MED23: variants seen among roughly 807,000 people sequenced by gnomAD.
MED23 encodes mediator of RNA polymerase II transcription subunit 23.
A neutral mutation model predicts 163.9 loss-of-function variants in MED23; 105 were observed. The observed-to-expected ratio is 0.64, with a 90% CI of 0.55 to 0.75. MED23 has a LOEUF of 0.75. Among genes scored for constraint, MED23 ranks in the 30% least tolerant of loss-of-function variants. The probability of loss-of-function intolerance (pLI) is 0.00; values close to 1 mark genes in which losing one functional copy is unlikely to be tolerated. For synonymous variants in MED23, 561 were observed against 565.6 expected (o/e 0.99, Z 0.12); for missense variants, 1,054 against 1,649.0 (o/e 0.64, Z 6.25).
intron 1 of MED23, 80 bp from the exon 2 acceptor site, chr6:131,627,752 C>G: frequency 1.5e-6 from 2 of 1,344,482 alleles, no homozygotes; most frequent in Non-Finnish European, 2.1e-6. Flanking sequence ...TACAATGTAA[C>G]ACAGGGCAAG....
chr6:131,625,076 TA>T, intron 3 of MED23, 87 bp from the exon 4 acceptor site: 5 of 1,390,986 alleles, frequency 3.6e-6, no homozygotes, highest in Non-Finnish European at 4.0e-6. Flanking sequence ...AGTATACCAA[TA>T]CTATGAAAGA....
chr6:131,622,654 T>C (rs1197775346), intron 5 of MED23, among the ~76,000 whole-genome samples: 3 of 152,190 alleles, frequency 2.0e-5, no homozygotes, highest in Admixed American at 2.0e-4. Context: ...TGCATAAGTC[T>C]GAGTAAAGAG....
At chr6:131,585,641 G>A (rs1774150263), downstream of MED23, among the ~76,000 whole-genome samples, 1 of 152,150 alleles carries the variant, frequency 6.6e-6, no homozygotes, top group African/African-American at 2.4e-5. Context: ...GAATAGCACA[G>A]GTAAAGAACA....
At position 131,598,809 on chromosome 6, in the gene MED23, C is replaced by T; in HGVS notation, c.2221-48G>A. ...ATTTCATTGGTTATAGTAGAAAGAG[C>T]ACTGGATATGGAGTTAATAAACCAG... is the stretch of plus-strand genomic sequence containing the variant. On this transcript the variant is annotated intron_variant, in intron 18 of 28. Transcript: ENST00000368068. The surrounding 1 kb of genome is among the most constrained non-coding windows in gnomAD (Gnocchi z 4.7). 6.5e-7 allele frequency: 1 copy of T among 1,548,488 alleles called. No homozygotes were observed.
At chr6:131,584,211 C>T (rs1774086545), downstream of MED23, 1 of 350,348 alleles carries the variant, frequency 2.9e-6, no homozygotes, top group Non-Finnish European at 5.3e-6. Flanking sequence ...TACATAAGCC[C>T]CCATACATAG....
intron 21 of MED23, 41 bp from the exon 22 acceptor site, chr6:131,596,204 T>TA (rs34066678): frequency 1.2e-5 from 19 of 1,559,250 alleles, no homozygotes; most frequent in Admixed American, 8.4e-5. Flanking sequence ...GAGCATTTTT[T>TA]AAAAAATTCT....
chr6:131,615,088 A>G (rs963234238), intron 10 of MED23, among the ~76,000 whole-genome samples: 1 of 150,052 alleles, frequency 6.7e-6, no homozygotes, highest in African/African-American at 2.4e-5. Context: ...AAAAAAAAGA[A>G]AAAAAAAGAA....
intron 13 of MED23, 76 bp downstream of exon 13, chr6:131,606,403 C>T: frequency 6.6e-7 from 1 of 1,506,316 alleles, no homozygotes; most frequent in Non-Finnish European, 9.2e-7. Context: ...TTCACACAAA[C>T]ACCGAGACCA....
In MED23 at chr6:131,619,835, G is replaced by A. The variant is rs772228042; in HGVS notation, c.659C>T (p.Ser220Phe). 2 of 1,606,886 alleles carry A rather than the reference G, an allele frequency of 1.2e-6. No homozygotes were observed. The highest frequency in any genetic ancestry group is 8.5e-7 in the Non-Finnish European group (1 of 1,173,986). Residue 220 changes from serine (S) to phenylalanine (F), a missense_variant, in exon 8 of 29, where the codon TCC becomes TTC. Transcript: ENST00000368068. ...TAAAATTATAATCCTACCACAAATG[G>A]AGTTTATCCTTGCTGTGGGCCTGAA... is the stretch of plus-strand genomic sequence containing the variant. ...DTFRPTARIN[S>F]ICGRCSLLPV...
At chr6:131,615,320 A>G (rs1431752673) in intron 10 of MED23, 1 of 1,612,078 alleles carries the variant, frequency 6.2e-7, no homozygotes, top group South Asian at 1.1e-5. Context: ...GGTTGTGAAC[A>G]TACCTGAGCA....
downstream of MED23, among the ~76,000 whole-genome samples, chr6:131,585,544 A>G (rs1774147228): frequency 6.6e-6 from 1 of 152,222 alleles, no homozygotes; most frequent in Non-Finnish European, 1.5e-5. Context: ...ACATGTGGTC[A>G]TTTAAATTAA....
chr6:131,588,339 A>C (rs186403330), intron 28 of MED23, among the ~76,000 whole-genome samples: 120 of 152,314 alleles, frequency 7.9e-4, no homozygotes, highest in African/African-American at 2.6e-3. Flanking sequence ...ACTTGGAATT[A>C]ACTAAATAAT....
downstream of MED23, chr6:131,586,711 C>T (rs1774201744): frequency 1.4e-6 from 2 of 1,404,112 alleles, no homozygotes; most frequent in Admixed American, 2.2e-5. Context: ...TGGCACACAG[C>T]CGACACTCAT....
intron 20 of MED23, among the ~76,000 whole-genome samples, chr6:131,597,234 T>G (rs962038827): frequency 1.3e-5 from 2 of 151,962 alleles, no homozygotes; most frequent in African/African-American, 4.8e-5. Context: ...CCCAGAACTT[T>G]CGGAGGCCGA....
intron 28 of MED23, 83 bp from the exon 29 acceptor site, chr6:131,587,929 G>A (rs1393741988): frequency 1.6e-5 from 20 of 1,234,732 alleles, no homozygotes; most frequent in Middle Eastern, 2.0e-4. Flanking sequence ...ACACATATCC[G>A]GAGACAATAA....
At chr6:131,603,004 G>A (rs756484347) in intron 16 of MED23, 26 bp downstream of exon 16, 7 of 1,610,910 alleles carry the variant, frequency 4.3e-6, no homozygotes, top group Non-Finnish European at 5.9e-6. Flanking sequence ...TAAATCTTAA[G>A]GAAAGATGGT....
chr6:131,622,359 G>C (rs535528498), intron 5 of MED23, among the ~76,000 whole-genome samples: 6 of 152,258 alleles, frequency 3.9e-5, no homozygotes, highest in African/African-American at 1.4e-4. Context: ...TTTTGGTAGA[G>C]GACTGTTTCT....
In MED23 at chr6:131,603,469, T is replaced by C. The variant is rs185490915; in HGVS notation, c.1757-265A>G. On this transcript the variant is annotated intron_variant, in intron 15 of 28. Transcript: ENST00000368068. ...TCTGGAAAAATAAAATGAGACAAGA[T>C]ATGAAAAAACATTAATCTTCTCAAT... 2.2e-3 allele frequency among the ~76,000 whole-genome samples: 328 copies of C among 152,234 alleles called. 2 individuals carry two copies. Among genetic ancestry groups the C allele is most frequent in the African/African-American group, 7.7e-3 (321 of 41,534 alleles).
intron 22 of MED23, among the ~76,000 whole-genome samples, chr6:131,595,560 T>C (rs747847468): frequency 9.2e-5 from 14 of 152,224 alleles, no homozygotes; most frequent in Non-Finnish European, 1.8e-4. Flanking sequence ...AATTTTCAAT[T>C]CAACCCAATG....
Sources: gnomAD v4.1 joint callset for allele counts (sites outside exome capture counted in the v4.1 genomes callset) on GRCh38, gnomAD v4.1.1 for gene constraint, Gnocchi (gnomAD v3.1) non-coding constraint, MANE v1.5 for transcripts, NCBI Gene and HGNC (gene_info 2026-07-23, HGNC 2026-07-21) for gene names.